Variants in SLC39A11 observed in about 807,000 individuals in gnomAD.
The protein encoded by SLC39A11 is zinc transporter ZIP11.
A neutral mutation model predicts 36.1 loss-of-function variants in SLC39A11; 33 were observed. That is an observed-to-expected ratio of 0.91 (90% confidence interval 0.69 to 1.22). The LOEUF is 1.22. SLC39A11 is among the 50% of genes most tolerant of loss of function. The pLI, the probability that SLC39A11 is intolerant of heterozygous loss-of-function variation, is 0.00. For synonymous variants in SLC39A11, 166 were observed against 170.3 expected (o/e 0.97, Z 0.20); for missense variants, 432 against 430.3 (o/e 1.00, Z -0.03).
rs575367699 is a variant in SLC39A11 at position 72,762,028 on chromosome 17, G to T, written c.602-25309C>A. ...TAGAGTACACGAGAGATAATGAGTT[G>T]GCGAAGCCTGACCTTCTGATAAGGA... is the stretch of plus-strand genomic sequence containing the variant. On this transcript the variant is annotated intron_variant, in intron 6 of 9. Coordinates refer to ENST00000255559, the MANE Select transcript of SLC39A11 (RefSeq NM_139177.4). Among the ~76,000 whole-genome samples the T allele has an allele frequency of 3.9e-5, 6 of 152,292 alleles. No individual in the cohort carries two copies. In the South Asian group the frequency reaches 1.2e-3, roughly 32 times the overall value.
At position 72,839,830 on chromosome 17, in the gene SLC39A11, G is replaced by A. The variant is rs540101932; in HGVS notation, c.601+9804C>T. On this transcript the variant is annotated intron_variant, in intron 6 of 9. Coordinates refer to ENST00000255559, the MANE Select transcript of SLC39A11 (RefSeq NM_139177.4). ...AGTTGAGGGTTGAGGTGTTGAAGTGGTTAGGTGATGGTAACTCCTTGATGA... is the reference window on the plus strand; with the variant it reads ...AGTTGAGGGTTGAGGTGTTGAAGTGATTAGGTGATGGTAACTCCTTGATGA... The A allele has an allele frequency of 5.3e-5, 8 of 152,326 alleles. No individual in the cohort carries two copies. In the South Asian group the frequency reaches 1.7e-3, roughly 32 times the overall value. The allele number at this position is 152,326 out of a possible 1,614,324, so 9.4% of individuals were successfully genotyped here.
intron 7 of SLC39A11, among the ~76,000 whole-genome samples, chr17:72,707,137 T>C (rs1048041494): frequency 3.2e-4 from 48 of 152,212 alleles, no homozygotes; most frequent in African/African-American, 9.4e-4. Context: ...TCATGGCTCA[T>C]GTGTGTAATC....
At chr17:72,668,793 T>C (rs991146605) in intron 7 of SLC39A11, among the ~76,000 whole-genome samples, 1 of 152,106 alleles carries the variant, frequency 6.6e-6, no homozygotes, top group Non-Finnish European at 1.5e-5. Context: ...AACTAATCTG[T>C]GGAAATAGGA....
At chr17:72,665,881 T>C (rs889143470) in intron 7 of SLC39A11, among the ~76,000 whole-genome samples, 1 of 152,222 alleles carries the variant, frequency 6.6e-6, no homozygotes, top group Non-Finnish European at 1.5e-5. Flanking sequence ...TTATGTTTAT[T>C]ATCTGTTCTT....
chr17:72,689,949 T>TTCCAAAGTG, intron 7 of SLC39A11, among the ~76,000 whole-genome samples: 1 of 152,186 alleles, frequency 6.6e-6, no homozygotes. Context: ...TTATGAAAAT[T>TTCCAAAGTG]TCCAAAGTGG....
chr17:72,754,039 TATATATACACATACACAC>T (rs1420659319), intron 6 of SLC39A11, among the ~76,000 whole-genome samples: 1,217 of 109,726 alleles, frequency 0.011, 15 homozygotes, highest in African/African-American at 0.033. Context: ...TATATATATA[TATATATACACATACACAC>T]ACACACACAC....
At chr17:72,835,114 C>T (rs2145774079) in intron 6 of SLC39A11, among the ~76,000 whole-genome samples, 1 of 152,328 alleles carries the variant, frequency 6.6e-6, no homozygotes, top group South Asian at 2.1e-4. Flanking sequence ...TGCCTCAGTG[C>T]ACACCAGGAA....
intron 6 of SLC39A11, among the ~76,000 whole-genome samples, chr17:72,780,979 T>C (rs142550795): frequency 0.037 from 5,642 of 152,100 alleles, 325 homozygotes; most frequent in African/African-American, 0.13. Context: ...ACGAGTGTAA[T>C]TCCATCTCAA....
chr17:72,877,424 C>T (rs2080962037), intron 5 of SLC39A11, among the ~76,000 whole-genome samples: 1 of 152,186 alleles, frequency 6.6e-6, no homozygotes, highest in South Asian at 2.1e-4. Flanking sequence ...CAATTAGAAC[C>T]TCAAACACAA....
intron 6 of SLC39A11, among the ~76,000 whole-genome samples, chr17:72,776,767 C>T (rs2076150793): frequency 6.6e-6 from 1 of 152,118 alleles, no homozygotes; most frequent in African/African-American, 2.4e-5. Context: ...TTCCAAGGAT[C>T]TTATCCACTC....
chr17:72,714,440 C>T (rs2073255647), intron 7 of SLC39A11, among the ~76,000 whole-genome samples: 1 of 152,006 alleles, frequency 6.6e-6, no homozygotes, highest in Non-Finnish European at 1.5e-5. Context: ...TACTTTTGCA[C>T]CAGGCTAATA....
At chr17:72,803,286 C>G (rs563162654) in intron 6 of SLC39A11, among the ~76,000 whole-genome samples, 15 of 152,382 alleles carry the variant, frequency 9.8e-5, no homozygotes, top group African/African-American at 3.6e-4. Flanking sequence ...TAGGGCCACA[C>G]ACTTCATCCA....
At chr17:72,930,208 G>C (rs931339284) in intron 5 of SLC39A11, among the ~76,000 whole-genome samples, 51 of 152,288 alleles carry the variant, frequency 3.3e-4, no homozygotes, top group African/African-American at 1.2e-3. Flanking sequence ...ATTAGTTCTG[G>C]GAGAGCTGTT....
intron 4 of SLC39A11, among the ~76,000 whole-genome samples, chr17:72,983,241 C>T (rs573313557): frequency 4.6e-5 from 7 of 152,204 alleles, no homozygotes; most frequent in Non-Finnish European, 1.0e-4. Context: ...CCTCCACCTC[C>T]CAGGTTCAAG....
intron 7 of SLC39A11, among the ~76,000 whole-genome samples, chr17:72,688,102 G>A (rs1354715232): frequency 3.9e-5 from 6 of 152,174 alleles, no homozygotes; most frequent in Non-Finnish European, 7.4e-5. Context: ...GCTGATTAAC[G>A]ACTACGAACT....
Position 72,648,841 on chromosome 17 carries a change from G to T in SLC39A11, c.891C>A (p.Tyr297Ter). 6.2e-7 allele frequency: 1 copy of T among 1,614,202 alleles called. No individual in the cohort carries two copies. Among genetic ancestry groups the T allele is most frequent in the Non-Finnish European group, 8.5e-7 (1 of 1,180,038 alleles). Reference protein sequence around the residue: ...ALAFAAGAMVYVVMDDIIPEA... With the variant: ...ALAFAAGAMV ...CGGGGATGATGTCGTCCATGACCAC[G>T]TAGACCATGGCACCGGCAGCAAAGG... Residue 297 changes from tyrosine to a stop codon, truncating the protein, a stop_gained, in exon 9 of 10, where the codon TAC (tyrosine) becomes TAA (stop). Transcript: ENST00000255559. LOFTEE classifies it high-confidence loss of function.
chr17:72,801,725 G>A (rs904290147), intron 6 of SLC39A11, among the ~76,000 whole-genome samples: 3 of 152,134 alleles, frequency 2.0e-5, no homozygotes, highest in Admixed American at 6.6e-5. Flanking sequence ...GTATATCTAT[G>A]AGTAACAAGG....
At chr17:72,791,080 G>A (rs532978945) in intron 6 of SLC39A11, among the ~76,000 whole-genome samples, 1 of 152,324 alleles carries the variant, frequency 6.6e-6, no homozygotes, top group East Asian at 1.9e-4. Context: ...CTAATTCTCA[G>A]GTCCCATTTC....
At chr17:72,796,805 G>A (rs2076910484) in intron 6 of SLC39A11, among the ~76,000 whole-genome samples, 1 of 152,132 alleles carries the variant, frequency 6.6e-6, no homozygotes, top group Admixed American at 6.5e-5. Context: ...CCACGCAGGG[G>A]TTTCACTGAC....
Sources: allele counts gnomAD v4.1 joint callset (sites outside exome capture counted in the v4.1 genomes callset), GRCh38; gene constraint gnomAD v4.1.1; transcripts MANE v1.5; gene names NCBI Gene and HGNC (gene_info 2026-07-23, HGNC 2026-07-21).